PLAUR: variants seen among roughly 807,000 people sequenced by gnomAD.
The protein encoded by PLAUR is plasminogen activator, urokinase receptor.
In PLAUR, 22 loss-of-function variants were observed where a neutral mutation model predicts 33.4. The observed-to-expected ratio is 0.66, with a 90% CI of 0.47 to 0.94. The LOEUF is 0.94. Among genes scored for constraint, PLAUR ranks in the 40% least tolerant of loss-of-function variants. PLAUR has a pLI of 0.00. For missense variants in PLAUR, 408 were observed against 434.7 expected, an observed-to-expected ratio of 0.94 and a Z score of 0.55; for synonymous variants, 148 against 167.3, an observed-to-expected ratio of 0.88 and a Z score of 0.89.
chr19:43,656,933 T>C, intron 3 of PLAUR: 1 of 220,922 alleles, frequency 4.5e-6, no homozygotes, highest in Admixed American at 5.8e-5. Context: ...CCTAGAAACA[T>C]TTCTTTCCTT....
At chr19:43,659,489 T>C (rs997862905) in intron 3 of PLAUR, among the ~76,000 whole-genome samples, 2 of 152,174 alleles carry the variant, frequency 1.3e-5, no homozygotes, top group African/African-American at 2.4e-5. Flanking sequence ...TCTCACAGTA[T>C]AGACTCTCTC....
downstream of PLAUR, among the ~76,000 whole-genome samples, chr19:43,646,912 C>G (rs1216087974): frequency 2.7e-5 from 4 of 150,378 alleles, no homozygotes; most frequent in Non-Finnish European, 4.4e-5. Flanking sequence ...TTCCGAGTAG[C>G]TGGAGTTACA....
intron 6 of PLAUR, among the ~76,000 whole-genome samples, chr19:43,650,075 G>A (rs1025999841): frequency 2.7e-5 from 4 of 148,794 alleles, no homozygotes; most frequent in Non-Finnish European, 4.4e-5. Context: ...GCAGTGGCAC[G>A]ATCTCGGCTC....
rs764216622 is a variant in PLAUR, at chr19:43,649,045, C to CATCAATGT, written c.845_852dup (p.Val285ThrfsTer41). ...CAGCCACTTTTAGTACAGCAGGAGA[C>CATCAATGT]ATCAATGTGGTTCATGCTGAAGGCG... On this transcript the variant is annotated frameshift_variant, in exon 7 of 7. Transcript: ENST00000340093. LOFTEE classifies it low-confidence loss of function (END_TRUNC). The CATCAATGT allele has an allele frequency of 3.7e-6, 6 of 1,614,062 alleles. No individual in the cohort carries two copies. The highest frequency in any genetic ancestry group is 1.3e-5 in the African/African-American group (1 of 74,934).
At chr19:43,662,410 A>G (rs1967041097) in intron 3 of PLAUR, among the ~76,000 whole-genome samples, 1 of 152,134 alleles carries the variant, frequency 6.6e-6, no homozygotes, top group Admixed American at 6.5e-5. Flanking sequence ...AGGCAGGAGA[A>G]TCACTTGAAC....
At chr19:43,662,225 C>T (rs1967030703) in intron 3 of PLAUR, among the ~76,000 whole-genome samples, 1 of 151,298 alleles carries the variant, frequency 6.6e-6, no homozygotes, top group Admixed American at 6.6e-5. Flanking sequence ...GGGCCGGGCG[C>T]GGTGGCTCAC....
chr19:43,649,647 G>A (rs1275929113), intron 6 of PLAUR, among the ~76,000 whole-genome samples: 1 of 149,090 alleles, frequency 6.7e-6, no homozygotes, highest in Non-Finnish European at 1.5e-5. Flanking sequence ...GAGAGAGAGG[G>A]AGGAAGGAAG....
chr19:43,653,401 G>A (rs938648055), intron 5 of PLAUR, among the ~76,000 whole-genome samples: 1 of 152,218 alleles, frequency 6.6e-6, no homozygotes, highest in African/African-American at 2.4e-5. Flanking sequence ...CCTAATGGAT[G>A]AGAAGTTGCC....
intron 5 of PLAUR, among the ~76,000 whole-genome samples, chr19:43,653,248 A>G (rs1366409364): frequency 6.6e-6 from 1 of 152,220 alleles, no homozygotes; most frequent in Non-Finnish European, 1.5e-5. Flanking sequence ...GACCACATAC[A>G]GTGGTGGCTG....
At chr19:43,659,167 C>CTTTTCTTTTTTT (rs778921148) in intron 3 of PLAUR, among the ~76,000 whole-genome samples, 1 of 97,138 alleles carries the variant, frequency 1.0e-5, no homozygotes, top group Non-Finnish European at 1.9e-5. Flanking sequence ...CTTTTCTTTT[C>CTTTTCTTTTTTT]TTTTTTTTTT....
downstream of PLAUR, among the ~76,000 whole-genome samples, chr19:43,648,324 C>A (rs1034696404): frequency 6.6e-6 from 1 of 152,070 alleles, no homozygotes; most frequent in South Asian, 2.1e-4. Flanking sequence ...TACAGGCACC[C>A]GCCACCACGT....
Position 43,662,235 on chromosome 19 carries a change from C to A in PLAUR, c.310+3081G>T, listed in dbSNP as rs529196378. On this transcript the variant is annotated intron_variant, in intron 3 of 6. Coordinates refer to ENST00000340093, the MANE Select transcript of PLAUR (RefSeq NM_002659.4). ...AATGGGGGCCGGGCGCGGTGGCTCA[C>A]GTCTGTAATCCCAGCACTTTGGGAG... Among the ~76,000 whole-genome samples the A allele has an allele frequency of 2.2e-3, 333 of 152,112 alleles. 1 individual carries two copies. Among genetic ancestry groups the A allele is most frequent in the African/African-American group, 7.6e-3 (317 of 41,498 alleles).
chr19:43,668,056 C>G (rs1048087981), intron 1 of PLAUR: 6 of 1,060,086 alleles, frequency 5.7e-6, no homozygotes, highest in African/African-American at 1.7e-5. Context: ...CACCGGCCCT[C>G]GGTCGATTAC....
chr19:43,668,031 A>T, intron 1 of PLAUR: 1 of 1,110,918 alleles, frequency 9.0e-7, no homozygotes, highest in Non-Finnish European at 1.1e-6. Flanking sequence ...TGCTCCTATT[A>T]GGTCTTTCTC....
chr19:43,667,470 C>CTTGT (rs1244520101), intron 2 of PLAUR, 111 bp downstream of exon 2: 4 of 742,730 alleles, frequency 5.4e-6, no homozygotes, highest in Non-Finnish European at 9.4e-6. Context: ...ATGGGCTCTC[C>CTTGT]TTGTTTGTTT....
intron 5 of PLAUR, 65 bp downstream of exon 5, chr19:43,655,374 A>C: frequency 8.4e-6 from 13 of 1,538,696 alleles, no homozygotes; most frequent in Non-Finnish European, 1.2e-5. Context: ...GTGACTGCGC[A>C]GCTGTCTGCC....
intron 3 of PLAUR, among the ~76,000 whole-genome samples, chr19:43,658,046 A>G (rs951277326): frequency 3.3e-5 from 5 of 150,754 alleles, no homozygotes; most frequent in Non-Finnish European, 5.9e-5. Context: ...TTAAATTAAA[A>G]AAAAAAAAGA....
intron 1 of PLAUR, among the ~76,000 whole-genome samples, chr19:43,668,682 G>A (rs558815278): frequency 8.9e-6 from 1 of 112,376 alleles, no homozygotes; most frequent in South Asian, 2.7e-4. Flanking sequence ...GCCCCTCCTT[G>A]AGGTTCCAGC....
chr19:43,660,282 C>T (rs1966916333), intron 3 of PLAUR, among the ~76,000 whole-genome samples: 1 of 151,804 alleles, frequency 6.6e-6, no homozygotes, highest in Non-Finnish European at 1.5e-5. Flanking sequence ...TCTCCTGCCT[C>T]AGTCTCCCAA....
Sources: gnomAD v4.1 joint callset for allele counts (sites outside exome capture counted in the v4.1 genomes callset) on GRCh38, gnomAD v4.1.1 for gene constraint, MANE v1.5 for transcripts, NCBI Gene and HGNC (gene_info 2026-07-23, HGNC 2026-07-21) for gene names.